The following ARID1B variants were observed in gnomAD, a reference collection of about 807,000 sequenced individuals.
ARID1B encodes the protein AT-rich interactive domain-containing protein 1B.
A neutral mutation model predicts 212.3 loss-of-function variants in ARID1B; 30 were observed. That is an observed-to-expected ratio of 0.14 (90% CI 0.11 to 0.19). The LOEUF (loss-of-function observed/expected upper bound fraction) is 0.19. Ranked by LOEUF, ARID1B falls within the 10% of genes least tolerant of loss-of-function variation. ARID1B has a pLI of 1.00. For missense variants in ARID1B, 2,891 were observed against 3,204.0 expected (o/e 0.90, Z 2.36); for synonymous variants, 1,402 against 1,301.7 (o/e 1.08, Z -1.66).
At chr6:156,822,328 C>T (rs751551691) in intron 1 of ARID1B, among the ~76,000 whole-genome samples, 5 of 152,226 alleles carry the variant, frequency 3.3e-5, no homozygotes, top group African/African-American at 7.2e-5. Context: ...AAGTAAAACA[C>T]ATAGTGGTTT....
chr6:156,968,964 G>A (rs1776725971), intron 4 of ARID1B, among the ~76,000 whole-genome samples: 1 of 152,238 alleles, frequency 6.6e-6, no homozygotes, highest in Non-Finnish European at 1.5e-5. Flanking sequence ...GAGCCCAGGT[G>A]GAGAGGTGGC....
At chr6:157,162,433 A>G (rs1791004828) in intron 8 of ARID1B, among the ~76,000 whole-genome samples, 2 of 152,202 alleles carry the variant, frequency 1.3e-5, no homozygotes, top group Non-Finnish European at 2.9e-5. Flanking sequence ...GGATATGAAT[A>G]TGTAATGTTT....
At chr6:156,969,867 CTTGT>C (rs1236811847) in intron 4 of ARID1B, among the ~76,000 whole-genome samples, 2 of 144,478 alleles carry the variant, frequency 1.4e-5, no homozygotes, top group Non-Finnish European at 3.0e-5. Context: ...TTTCTTCTGT[CTTGT>C]TTATTTCTTA....
intron 4 of ARID1B, chr6:156,938,524 G>T (rs2128281450): frequency 6.6e-6 from 1 of 152,252 alleles, no homozygotes; most frequent in South Asian, 2.1e-4. Context: ...TAAGTATATT[G>T]TGTTATCTGT....
At chr6:156,856,906 C>T (rs897107799) in intron 2 of ARID1B, among the ~76,000 whole-genome samples, 62 of 152,076 alleles carry the variant, frequency 4.1e-4, no homozygotes, top group African/African-American at 1.4e-3. Context: ...GGGAGCTTGA[C>T]GTGCTGGCAA....
chr6:157,144,777 C>T (rs1231500343), intron 7 of ARID1B, among the ~76,000 whole-genome samples: 3 of 152,192 alleles, frequency 2.0e-5, no homozygotes, highest in Admixed American at 6.5e-5. Flanking sequence ...GGAAAACAGA[C>T]AGGGGAGCCT....
chr6:157,149,659 A>C (rs1247567195), intron 8 of ARID1B: 3 of 152,250 alleles, frequency 2.0e-5, no homozygotes, highest in Non-Finnish European at 4.4e-5. Context: ...AACATAATTA[A>C]AAATTTATAA....
intron 5 of ARID1B, among the ~76,000 whole-genome samples, chr6:157,102,225 CTCTACCA>C (rs1394343677): frequency 4.6e-5 from 7 of 152,188 alleles, no homozygotes; most frequent in African/African-American, 1.7e-4. Flanking sequence ...CATGTTTATT[CTCTACCA>C]TCCCAACACA....
chr6:157,050,741 A>C (rs1782546368), intron 4 of ARID1B, among the ~76,000 whole-genome samples: 1 of 152,192 alleles, frequency 6.6e-6, no homozygotes, highest in Non-Finnish European at 1.5e-5. Context: ...TAATGACATC[A>C]TACTCATAAA....
chr6:156,932,189 A>C (rs1378227386), intron 3 of ARID1B, among the ~76,000 whole-genome samples: 3 of 151,434 alleles, frequency 2.0e-5, no homozygotes, highest in Non-Finnish European at 4.4e-5. Context: ...AAATTTCTGA[A>C]ACAAATGTGT....
intron 4 of ARID1B, among the ~76,000 whole-genome samples, chr6:157,059,067 GTTTTTT>G (rs532432548): frequency 7.1e-6 from 1 of 140,606 alleles, no homozygotes; most frequent in African/African-American, 2.6e-5. Flanking sequence ...TTGTGTTTTT[GTTTTTT>G]TTTTTTGATA....
At chr6:157,099,084 C>T (rs950250084) in intron 5 of ARID1B, among the ~76,000 whole-genome samples, 11 of 152,170 alleles carry the variant, frequency 7.2e-5, no homozygotes, top group Admixed American at 2.0e-4. Flanking sequence ...CTGACTCAGC[C>T]TCCCAAGTAG....
At chr6:156,845,964 C>T (rs1438068646) in intron 2 of ARID1B, among the ~76,000 whole-genome samples, 1 of 151,842 alleles carries the variant, frequency 6.6e-6, no homozygotes, top group Non-Finnish European at 1.5e-5. Context: ...TTTCACTTTC[C>T]ATGAACTTGT....
intron 1 of ARID1B, among the ~76,000 whole-genome samples, chr6:156,786,756 T>C (rs905957171): frequency 1.3e-5 from 2 of 152,246 alleles, no homozygotes; most frequent in Admixed American, 6.5e-5. Flanking sequence ...TAATCAGCCC[T>C]GTGCCAGAGA....
chr6:157,142,502 T>G (rs955403359), intron 7 of ARID1B, among the ~76,000 whole-genome samples: 1 of 152,108 alleles, frequency 6.6e-6, no homozygotes, highest in Non-Finnish European at 1.5e-5. Context: ...AGTACACACC[T>G]GTAAACCCAG....
chr6:156,838,551 C>T (rs568835811), intron 2 of ARID1B, among the ~76,000 whole-genome samples: 173 of 152,056 alleles, frequency 1.1e-3, no homozygotes, highest in African/African-American at 3.9e-3. Flanking sequence ...TCTAAGTCAC[C>T]GAAGCCTGTC....
chr6:156,990,391 C>T (rs1439122775), intron 4 of ARID1B, among the ~76,000 whole-genome samples: 2 of 151,988 alleles, frequency 1.3e-5, no homozygotes, highest in Non-Finnish European at 2.9e-5. Context: ...ACCTGTAATC[C>T]CAGCACTTTG....
chr6:157,051,721 A>G (rs1204872451), intron 4 of ARID1B, among the ~76,000 whole-genome samples: 2 of 152,256 alleles, frequency 1.3e-5, no homozygotes, highest in African/African-American at 4.8e-5. Flanking sequence ...AAATATAATT[A>G]GAGAGTGTAC....
intron 2 of ARID1B, among the ~76,000 whole-genome samples, chr6:156,864,697 T>C (rs1785559968): frequency 6.6e-6 from 1 of 152,186 alleles, no homozygotes; most frequent in Admixed American, 6.5e-5. Flanking sequence ...AGTTTTAGGC[T>C]TTGTCTGTTG....
Sources: gnomAD v4.1 joint callset for allele counts (sites outside exome capture counted in the v4.1 genomes callset) on GRCh38, gnomAD v4.1.1 for gene constraint, MANE v1.5 for transcripts, NCBI Gene and HGNC (gene_info 2026-07-23, HGNC 2026-07-21) for gene names.